SLC23A2: variants seen among roughly 807,000 people sequenced by gnomAD.
SLC23A2 encodes the protein Na(+)/L-ascorbic acid transporter 2.
Under a neutral mutation model 73.3 loss-of-function variants are expected in SLC23A2, and 36 were observed. The ratio of observed to expected loss-of-function variants is 0.49; its 90% confidence interval spans 0.38 to 0.65. The LOEUF is 0.65. SLC23A2 is among the 30% of genes least tolerant of loss of function. The pLI is 0.00. For missense variants in SLC23A2, 507 were observed against 841.6 expected (o/e 0.60, Z 4.92); for synonymous variants, 343 against 327.3 (o/e 1.05, Z -0.52).
chr20:4,944,010 C>T (rs1354430368), intron 2 of SLC23A2, among the ~76,000 whole-genome samples: 1 of 152,152 alleles, frequency 6.6e-6, no homozygotes, highest in Non-Finnish European at 1.5e-5. Flanking sequence ...AAGGGCTCCC[C>T]AGGGAAAGGA....
intron 2 of SLC23A2, among the ~76,000 whole-genome samples, chr20:4,948,312 G>C (rs2087148349): frequency 1.3e-5 from 2 of 152,142 alleles, no homozygotes; most frequent in Admixed American, 6.6e-5. Flanking sequence ...GCTTGGTTTT[G>C]CTGGACTTTG....
intron 6 of SLC23A2, among the ~76,000 whole-genome samples, chr20:4,897,777 G>A (rs1386131107): frequency 2.0e-5 from 3 of 152,100 alleles, no homozygotes; most frequent in Admixed American, 6.5e-5. Flanking sequence ...GGCCAGGCCT[G>A]GCCTCCTTGG....
rs192782165 is a variant in SLC23A2, at chr20:4,894,698, T to C, written c.482+4857A>G. Among the ~76,000 whole-genome samples the C allele has an allele frequency of 1.2e-4, 18 of 152,096 alleles. No homozygotes were observed. The East Asian group carries it at 3.5e-3, about 30-fold the overall frequency. On this transcript the variant is annotated intron_variant, in intron 6 of 16. Transcript: ENST00000338244. ...GTGACCAAAAGTATTTACCCCAAGT[T>C]CCCCCAGGCCCTCCCTTTCGTCTGC...
intron 9 of SLC23A2, among the ~76,000 whole-genome samples, chr20:4,878,182 A>G (rs1011943307): frequency 3.9e-5 from 6 of 152,056 alleles, no homozygotes; most frequent in African/African-American, 1.4e-4. Flanking sequence ...CATTTTTATG[A>G]GTATTTTCCC....
chr20:4,903,137 CA>C (rs1437014545), intron 4 of SLC23A2, among the ~76,000 whole-genome samples: 1 of 152,060 alleles, frequency 6.6e-6, no homozygotes, highest in Non-Finnish European at 1.5e-5. Context: ...GTTTAAAAAA[CA>C]AAACATTAAA....
chr20:4,999,594 G>A (rs1486493176), intron 1 of SLC23A2, among the ~76,000 whole-genome samples: 1 of 151,020 alleles, frequency 6.6e-6, no homozygotes, highest in Non-Finnish European at 1.5e-5. Context: ...AGTCTTGCTG[G>A]GTTGCCTAGG....
chr20:4,943,256 C>T (rs1437408124), intron 2 of SLC23A2, among the ~76,000 whole-genome samples: 2 of 151,946 alleles, frequency 1.3e-5, no homozygotes, highest in African/African-American at 4.8e-5. Context: ...ATGGCAAATC[C>T]ATCATTTGCT....
At chr20:4,915,941 C>G (rs1488295486) in intron 3 of SLC23A2, among the ~76,000 whole-genome samples, 6 of 152,046 alleles carry the variant, frequency 3.9e-5, no homozygotes, top group African/African-American at 9.7e-5. Context: ...GAGCGAGACT[C>G]CATCTCAACA....
chr20:4,996,439 G>A (rs533039182), intron 1 of SLC23A2, among the ~76,000 whole-genome samples: 2 of 152,110 alleles, frequency 1.3e-5, no homozygotes, highest in South Asian at 4.2e-4. Context: ...TGTAATCCCA[G>A]CACTTTGGGA....
chr20:4,890,075 C>T (rs1931271313), intron 6 of SLC23A2, among the ~76,000 whole-genome samples: 1 of 152,062 alleles, frequency 6.6e-6, no homozygotes, highest in Non-Finnish European at 1.5e-5. Context: ...CATGAAGATA[C>T]AAAATGTATC....
chr20:4,986,041 T>C (rs534712365), intron 1 of SLC23A2, among the ~76,000 whole-genome samples: 11 of 152,338 alleles, frequency 7.2e-5, no homozygotes, highest in African/African-American at 2.6e-4. Context: ...TCTGGTTTCT[T>C]TTCCATAGGA....
chr20:4,956,081 GA>G (rs1448948624), intron 2 of SLC23A2, among the ~76,000 whole-genome samples: 5 of 152,010 alleles, frequency 3.3e-5, no homozygotes, highest in African/African-American at 9.7e-5. Flanking sequence ...ACAAATACAA[GA>G]AAAAAACTTT....
chr20:4,955,122 G>A (rs1010849546), intron 2 of SLC23A2, among the ~76,000 whole-genome samples: 4 of 151,984 alleles, frequency 2.6e-5, no homozygotes. Flanking sequence ...ACATGGTGGT[G>A]CATGCCTGTG....
chr20:4,988,393 A>G (rs2087865986), intron 1 of SLC23A2, among the ~76,000 whole-genome samples: 1 of 152,074 alleles, frequency 6.6e-6, no homozygotes. Flanking sequence ...ACCTGAGGTC[A>G]GGAGTTCGAG....
chr20:5,009,663 C>G (rs921839632), intron 1 of SLC23A2, among the ~76,000 whole-genome samples: 11 of 152,132 alleles, frequency 7.2e-5, no homozygotes, highest in African/African-American at 2.7e-4. Context: ...ACCAAACCAA[C>G]AGGGGCTGCC....
rs1475291643 is a variant in SLC23A2 at position 4,863,656 on chromosome 20, G to C, written c.1357-749C>G. ...TCACCTTTCTAACACATGAAATTGG[G>C]GAGGCTGGTCCCCTGCTTGCATCCT... On this transcript the variant is annotated intron_variant, in intron 13 of 16. Coordinates refer to ENST00000338244, the MANE Select transcript of SLC23A2 (RefSeq NM_005116.6). The surrounding 1 kb of genome is among the most constrained non-coding windows in gnomAD (Gnocchi z 4.8). Among the ~76,000 whole-genome samples the C allele has an allele frequency of 6.6e-6, 1 of 152,118 alleles. No individual in the cohort carries two copies. The highest frequency in any genetic ancestry group is 2.4e-5 in the African/African-American group (1 of 41,436).
rs79604850 is a variant in SLC23A2 at position 4,914,653 on chromosome 20, T to C, written c.109-1675A>G. ...CAAGGTTGATCACTGCTGTAATTTA[T>C]GAAATACTGAATACTTGGGGACAAC... On this transcript the variant is annotated intron_variant, in intron 3 of 16. Coordinates refer to ENST00000338244, the MANE Select transcript of SLC23A2 (RefSeq NM_005116.6). 1.1e-3 allele frequency among the ~76,000 whole-genome samples: 172 copies of C among 152,334 alleles called. 4 individuals are homozygous for C. The East Asian group carries it at 0.03, about 27-fold the overall frequency.
At chr20:4,932,297 C>T (rs1477759433) in intron 3 of SLC23A2, among the ~76,000 whole-genome samples, 158 bp downstream of exon 3, 1 of 152,148 alleles carries the variant, frequency 6.6e-6, no homozygotes, top group Non-Finnish European at 1.5e-5. Flanking sequence ...AGCTAAAACC[C>T]AAGAGTTAGC....
chr20:4,875,690 A>C (rs762205211), intron 9 of SLC23A2, among the ~76,000 whole-genome samples: 3 of 152,172 alleles, frequency 2.0e-5, no homozygotes, highest in Admixed American at 6.5e-5. Context: ...CGGGGCTGGC[A>C]GGTGTGGGGC....
Sources: gnomAD v4.1 joint callset for allele counts (sites outside exome capture counted in the v4.1 genomes callset) on GRCh38, gnomAD v4.1.1 for gene constraint, Gnocchi (gnomAD v3.1) non-coding constraint, MANE v1.5 for transcripts, NCBI Gene and HGNC (gene_info 2026-07-23, HGNC 2026-07-21) for gene names.